Variants in BMPR2 observed in about 807,000 individuals in gnomAD.
The protein encoded by BMPR2 is bone morphogenetic protein receptor type 2.
In BMPR2, 29 loss-of-function variants were observed where a neutral mutation model predicts 100.8. The observed-to-expected ratio is 0.29, with a 90% CI of 0.21 to 0.39. The LOEUF is 0.39. BMPR2 is among the 10% of genes least tolerant of loss of function. The probability of loss-of-function intolerance (pLI) is 1.00; values close to 1 mark genes in which losing one functional copy is unlikely to be tolerated. For missense variants in BMPR2, 1,011 were observed against 1,274.5 expected (o/e 0.79, Z 3.15); for synonymous variants, 382 against 442.3 (o/e 0.86, Z 1.71).
At chr2:202,435,736 C>T (rs1691602923) in intron 1 of BMPR2, among the ~76,000 whole-genome samples, 1 of 150,168 alleles carries the variant, frequency 6.7e-6, no homozygotes, top group Admixed American at 6.6e-5. Flanking sequence ...ATCTTTCATA[C>T]TGTATTTTTG....
intron 5 of BMPR2, among the ~76,000 whole-genome samples, chr2:202,517,936 CTGAG>C (rs377392980): frequency 4.0e-5 from 6 of 149,082 alleles, no homozygotes; most frequent in African/African-American, 1.5e-4. Flanking sequence ...CCTCAGCCTC[CTGAG>C]TAAGTGGGAC....
intron 10 of BMPR2, among the ~76,000 whole-genome samples, chr2:202,548,317 T>C (rs1052917145): frequency 6.6e-6 from 1 of 152,038 alleles, no homozygotes; most frequent in Non-Finnish European, 1.5e-5. Context: ...CCAGGTGCAA[T>C]AGTGCACACT....
chr2:202,394,890 A>T (rs956680831), intron 1 of BMPR2, among the ~76,000 whole-genome samples: 1 of 137,578 alleles, frequency 7.3e-6, no homozygotes, highest in African/African-American at 2.7e-5. Context: ...ACTTTTTTTT[A>T]TTTTTTTTTT....
intron 7 of BMPR2, among the ~76,000 whole-genome samples, chr2:202,529,623 G>A (rs964105328): frequency 1.3e-5 from 2 of 152,138 alleles, no homozygotes; most frequent in Non-Finnish European, 2.9e-5. Flanking sequence ...AACAGGAAGT[G>A]GGTAAGGGAG....
At chr2:202,451,391 G>C (rs1220566711) in intron 1 of BMPR2, among the ~76,000 whole-genome samples, 1 of 152,164 alleles carries the variant, frequency 6.6e-6, no homozygotes, top group Non-Finnish European at 1.5e-5. Flanking sequence ...GGTATAAACT[G>C]CATCTATTTA....
chr2:202,532,675 T>C lies in BMPR2; in HGVS notation c.1219T>C (p.Tyr407His). The C allele has an allele frequency of 6.2e-7, 1 of 1,613,848 alleles. No homozygotes were observed. The highest frequency in any genetic ancestry group is 8.5e-7 in the Non-Finnish European group (1 of 1,179,900). The change falls in exon 9 of 13, where the codon TAT (tyrosine) becomes CAT (histidine). Residue 407 changes from tyrosine to histidine, a missense_variant. Tyr to His is a moderately conservative substitution (Grantham distance 83). This residue lies in a region of BMPR2 where 83 missense variants were observed against 140.7 expected (regional missense o/e 0.59). Coordinates refer to ENST00000374580, the MANE Select transcript of BMPR2 (RefSeq NM_001204.7). The surrounding 1 kb of genome is among the most constrained non-coding windows in gnomAD (Gnocchi z 4.1). Reference protein sequence around the residue: ...CESALKQVDMYALGLIYWEIF... With the variant: ...CESALKQVDMHALGLIYWEIF... ...ATCAGCTTTGAAACAAGTAGACATG[T>C]ATGCTCTTGGACTAATCTATTGGGA... is the stretch of plus-strand genomic sequence containing the variant.
At chr2:202,425,906 T>C (rs1303851470) in intron 1 of BMPR2, among the ~76,000 whole-genome samples, 1 of 152,094 alleles carries the variant, frequency 6.6e-6, no homozygotes, top group Non-Finnish European at 1.5e-5. Flanking sequence ...CAGCTACAGA[T>C]TGAGTAAGAT....
At chr2:202,382,694 G>C (rs1300934976) in intron 1 of BMPR2, among the ~76,000 whole-genome samples, 1 of 152,184 alleles carries the variant, frequency 6.6e-6, no homozygotes, top group Non-Finnish European at 1.5e-5. Flanking sequence ...CTTTGTCCTA[G>C]TTCCTTCAAC....
chr2:202,470,627 G>A (rs958238580), intron 3 of BMPR2, among the ~76,000 whole-genome samples: 2 of 151,958 alleles, frequency 1.3e-5, no homozygotes, highest in Non-Finnish European at 2.9e-5. Flanking sequence ...AGCCGGGCGC[G>A]GTGGCGGGCG....
intron 1 of BMPR2, among the ~76,000 whole-genome samples, chr2:202,394,364 G>GTAATAA (rs71031896): frequency 3.6e-4 from 54 of 149,612 alleles, no homozygotes; most frequent in African/African-American, 1.1e-3. Flanking sequence ...AAAAAAAAAA[G>GTAATAA]TAATAATAAT....
intron 7 of BMPR2, among the ~76,000 whole-genome samples, chr2:202,529,576 T>C (rs1687979981): frequency 6.6e-6 from 1 of 152,066 alleles, no homozygotes. Context: ...AGGAATTGAG[T>C]AGGAGCCAAG....
intron 9 of BMPR2, among the ~76,000 whole-genome samples, chr2:202,541,321 G>A (rs1688268262): frequency 6.6e-6 from 1 of 152,034 alleles, no homozygotes; most frequent in Non-Finnish European, 1.5e-5. Context: ...CCACACTCTT[G>A]TAGTCTTAGC....
chr2:202,472,644 G>C (rs188334965), intron 3 of BMPR2, among the ~76,000 whole-genome samples: 192 of 152,274 alleles, frequency 1.3e-3, no homozygotes, highest in African/African-American at 4.4e-3. Context: ...GGGCAACAGA[G>C]ACTCCGTCTC....
chr2:202,470,901 A>T (rs542981829), intron 3 of BMPR2, among the ~76,000 whole-genome samples: 91 of 152,226 alleles, frequency 6.0e-4, no homozygotes, highest in African/African-American at 2.0e-3. Context: ...TATCTCAAAA[A>T]AAAATTAAAA....
intron 3 of BMPR2, chr2:202,474,981 C>CT (rs1692514800): frequency 6.6e-6 from 1 of 152,068 alleles, no homozygotes. Flanking sequence ...CTCCAATAGT[C>CT]TCTACACCCA....
chr2:202,408,738 G>A (rs905676605), intron 1 of BMPR2, among the ~76,000 whole-genome samples: 3 of 152,182 alleles, frequency 2.0e-5, no homozygotes, highest in African/African-American at 4.8e-5. Context: ...GAAATAGGGC[G>A]TAGGACCTAC....
chr2:202,393,461 A>AAT (rs763106775), intron 1 of BMPR2, among the ~76,000 whole-genome samples: 2 of 152,052 alleles, frequency 1.3e-5, no homozygotes, highest in African/African-American at 2.4e-5. Context: ...GTAATTTAAA[A>AAT]ATATATATAT....
At chr2:202,549,932 G>T (rs1574503743) in intron 10 of BMPR2, among the ~76,000 whole-genome samples, 1 of 151,952 alleles carries the variant, frequency 6.6e-6, no homozygotes, top group East Asian at 1.9e-4. Context: ...GGAGTACAGA[G>T]TCTCATTGTA....
At chr2:202,505,911 A>G (rs919003423) in intron 3 of BMPR2, among the ~76,000 whole-genome samples, 6 of 152,182 alleles carry the variant, frequency 3.9e-5, no homozygotes, top group African/African-American at 1.4e-4. Context: ...AAGTTAAATC[A>G]CTGTTCGTCA....
Sources: allele counts gnomAD v4.1 joint callset (sites outside exome capture counted in the v4.1 genomes callset), GRCh38; gene constraint gnomAD v4.1.1; regional missense constraint gnomAD v4.1.1; non-coding constraint Gnocchi (gnomAD v3.1); transcripts MANE v1.5; gene names NCBI Gene and HGNC (gene_info 2026-07-23, HGNC 2026-07-21).